Variants in ALMS1 observed in about 807,000 individuals in gnomAD.
ALMS1 encodes the protein ALMS1 centrosome and basal body associated protein, also known as centrosome-associated protein ALMS1.
Under a neutral mutation model 352.2 loss-of-function variants are expected in ALMS1, and 271 were observed. The ratio of observed to expected loss-of-function variants is 0.77; its 90% CI spans 0.70 to 0.85. The LOEUF (loss-of-function observed/expected upper bound fraction) is 0.85. Among genes scored for constraint, ALMS1 ranks in the 40% least tolerant of loss-of-function variants. ALMS1 has a pLI of 0.00. For synonymous variants in ALMS1, 1,865 were observed against 1,761.2 expected, an observed-to-expected ratio of 1.06 and a Z score of -1.48; for missense variants, 5,445 against 4,870.7, an observed-to-expected ratio of 1.12 and a Z score of -3.51.
intron 16 of ALMS1, among the ~76,000 whole-genome samples, chr2:73,585,070 T>A (rs1675278883): frequency 6.6e-6 from 1 of 152,230 alleles, no homozygotes; most frequent in African/African-American, 2.4e-5. Context: ...CAATTGCGAA[T>A]CATGCTGCTA....
At chr2:73,542,615 C>T (rs1674212088) in intron 12 of ALMS1, among the ~76,000 whole-genome samples, 1 of 152,120 alleles carries the variant, frequency 6.6e-6, no homozygotes. Context: ...CTAGAAAACC[C>T]CATTGTCTCA....
At chr2:73,444,033 C>T (rs1671764639) in intron 7 of ALMS1, among the ~76,000 whole-genome samples, 2 of 151,988 alleles carry the variant, frequency 1.3e-5, no homozygotes. Context: ...TTTTAGTTTT[C>T]CTGCCATAAT....
At chr2:73,475,217 A>G (rs2140195) in intron 9 of ALMS1, among the ~76,000 whole-genome samples, 55,063 of 151,924 alleles carry the variant, frequency 0.36, 13,350 homozygotes, top group African/African-American at 0.69. Flanking sequence ...GTGTTAGGGT[A>G]GGTGTTTCAT....
chr2:73,595,963 C>T (rs1675538428), intron 16 of ALMS1, among the ~76,000 whole-genome samples: 1 of 152,152 alleles, frequency 6.6e-6, no homozygotes, highest in African/African-American at 2.4e-5. Context: ...TCTTTTTGCC[C>T]ATTTTAAAAT....
chr2:73,427,464 C>A (rs917585623), intron 6 of ALMS1, among the ~76,000 whole-genome samples: 7 of 151,878 alleles, frequency 4.6e-5, no homozygotes, highest in African/African-American at 1.7e-4. Context: ...AAACTGGCAA[C>A]TCTAGGATGT....
intron 15 of ALMS1, 41 bp from the exon 16 acceptor site, chr2:73,572,221 A>G: frequency 6.5e-7 from 1 of 1,535,794 alleles, no homozygotes; most frequent in Non-Finnish European, 8.9e-7. Context: ...CAGAATGCTA[A>G]TTTTTTAAGT....
At chr2:73,549,522 C>T (rs1470143557) in intron 12 of ALMS1, among the ~76,000 whole-genome samples, 1 of 152,128 alleles carries the variant, frequency 6.6e-6, no homozygotes, top group African/African-American at 2.4e-5. Flanking sequence ...TTCTGCAATC[C>T]AACCTGACCA....
chr2:73,539,668 A>G (rs528749797), intron 12 of ALMS1, among the ~76,000 whole-genome samples: 1 of 152,362 alleles, frequency 6.6e-6, no homozygotes, highest in East Asian at 1.9e-4. Flanking sequence ...ACCAATGCAG[A>G]GAAGTCCTTA....
intron 10 of ALMS1, among the ~76,000 whole-genome samples, chr2:73,502,491 C>T (rs539112472): frequency 9.2e-5 from 14 of 152,180 alleles, no homozygotes; most frequent in Middle Eastern, 3.4e-3. Flanking sequence ...TTCCCTATTC[C>T]TGGAGGGCAG....
At chr2:73,497,061 A>C (rs978293527) in intron 10 of ALMS1, among the ~76,000 whole-genome samples, 1 of 152,202 alleles carries the variant, frequency 6.6e-6, no homozygotes, top group Non-Finnish European at 1.5e-5. Flanking sequence ...CTTTTGATCA[A>C]GTCCAATTAA....
intron 10 of ALMS1, among the ~76,000 whole-genome samples, chr2:73,512,497 C>G (rs1175337381): frequency 2.0e-5 from 3 of 151,956 alleles, no homozygotes; most frequent in Non-Finnish European, 4.4e-5. Flanking sequence ...TTTTAATATG[C>G]CCATTTACTA....
intron 7 of ALMS1, among the ~76,000 whole-genome samples, chr2:73,447,058 C>T (rs77887777): frequency 6.6e-6 from 1 of 151,836 alleles, no homozygotes; most frequent in Non-Finnish European, 1.5e-5. Flanking sequence ...GGATTATTGT[C>T]TGTTTATTGC....
At chr2:73,532,905 A>C (rs1165910682) in intron 11 of ALMS1, among the ~76,000 whole-genome samples, 1 of 152,122 alleles carries the variant, frequency 6.6e-6, no homozygotes, top group East Asian at 1.9e-4. Context: ...ACCACTGCTC[A>C]CTATTCAGGA....
In ALMS1 at chr2:73,462,480, T is replaced by C. The variant is rs911566521; in HGVS notation, c.7674+7185T>C. On this transcript the variant is annotated intron_variant, in intron 9 of 22. Transcript: ENST00000613296. ...AGCGCTAAACATGGAAAGGAACAAC[T>C]GGTACCAGCCACTGCAAAAACATGC... 4.5e-4 allele frequency among the ~76,000 whole-genome samples: 68 copies of C among 152,174 alleles called. 1 individual carries two copies. The highest frequency in any genetic ancestry group is 3.4e-3 in the Middle Eastern group (1 of 294).
At chr2:73,447,817 C>T (rs75170684) in intron 7 of ALMS1, 143 bp from the exon 8 acceptor site, 5 of 1,125,550 alleles carry the variant, frequency 4.4e-6, no homozygotes, top group Non-Finnish European at 5.9e-6. Flanking sequence ...TCTTTGTGTG[C>T]AAATATTTAT....
rs1177131901 is a variant in ALMS1 at position 73,455,226 on chromosome 2, T to C, written c.7605T>C (p.Asp2535=). ...CGYSISELNE[D]DRRKVEEIKA... is the part of the protein sequence containing the mutation. ...ACTCCATTTCAGAATTAAATGAAGA[T>C]GACAGGAGGAAAGTAGAAGAGATCA... The change falls in exon 9 of 23, where the codon GAT becomes GAC. Residue 2535 remains aspartate, a synonymous_variant. Transcript: ENST00000613296. The C allele has an allele frequency of 3.1e-6, 5 of 1,613,932 alleles. No individual in the cohort carries two copies. Among genetic ancestry groups the C allele is most frequent in the South Asian group, 1.1e-5 (1 of 90,994 alleles).
chr2:73,575,479 A>T (rs1675032629), intron 16 of ALMS1, among the ~76,000 whole-genome samples: 1 of 152,252 alleles, frequency 6.6e-6, no homozygotes, highest in East Asian at 1.9e-4. Flanking sequence ...CCTTGCCAAC[A>T]CTTATTTTCC....
At chr2:73,437,243 G>T (rs1671621564) in intron 7 of ALMS1, among the ~76,000 whole-genome samples, 1 of 152,204 alleles carries the variant, frequency 6.6e-6, no homozygotes, top group African/African-American at 2.4e-5. Flanking sequence ...GCACTGCTCT[G>T]TATCTGGGGG....
intron 9 of ALMS1, among the ~76,000 whole-genome samples, chr2:73,487,451 G>A (rs897237196): frequency 6.6e-5 from 10 of 152,136 alleles, no homozygotes; most frequent in Admixed American, 3.3e-4. Context: ...GAAATGTGGT[G>A]GTGGCAACTG....
Sources: gnomAD v4.1 joint callset for allele counts (sites outside exome capture counted in the v4.1 genomes callset) on GRCh38, gnomAD v4.1.1 for gene constraint, MANE v1.5 for transcripts, NCBI Gene and HGNC (gene_info 2026-07-23, HGNC 2026-07-21) for gene names.